Variants in RIN2 observed in about 807,000 individuals in gnomAD.
The protein encoded by RIN2 is RAB5 interacting protein 2.
A neutral mutation model predicts 78.0 loss-of-function variants in RIN2; 36 were observed. The ratio of observed to expected loss-of-function variants is 0.46; its 90% CI spans 0.35 to 0.61. The LOEUF is 0.61. RIN2 is among the 20% of genes least tolerant of loss of function. The pLI is 0.00. For missense variants in RIN2, 1,087 were observed against 1,159.7 expected, an observed-to-expected ratio of 0.94 and a Z score of 0.91; for synonymous variants, 466 against 466.8, an observed-to-expected ratio of 1.00 and a Z score of 0.02.
chr20:19,881,625 G>A (rs1463998974), intron 2 of RIN2, among the ~76,000 whole-genome samples: 11 of 152,086 alleles, frequency 7.2e-5, no homozygotes, highest in Admixed American at 6.6e-4. Flanking sequence ...CACCCAGTCT[G>A]GAGTGCAGTG....
intron 2 of RIN2, among the ~76,000 whole-genome samples, chr20:19,827,607 G>T (rs2036131629): frequency 4.6e-5 from 7 of 152,136 alleles, no homozygotes; most frequent in Admixed American, 3.9e-4. Flanking sequence ...ACCATAGTGT[G>T]GCAGTGAGTC....
intron 9 of RIN2, among the ~76,000 whole-genome samples, chr20:19,978,805 C>T (rs2042361424): frequency 2.0e-5 from 3 of 152,224 alleles, no homozygotes; most frequent in Non-Finnish European, 4.4e-5. Flanking sequence ...CACCTACTCT[C>T]ACCCTTCCAG....
At chr20:19,973,917 C>G (rs950925355) in intron 8 of RIN2, among the ~76,000 whole-genome samples, 1 of 152,154 alleles carries the variant, frequency 6.6e-6, no homozygotes, top group African/African-American at 2.4e-5. Flanking sequence ...ACAGGCAGTA[C>G]AGATCAATAA....
chr20:19,801,591 G>T (rs2035245178), intron 2 of RIN2, among the ~76,000 whole-genome samples: 1 of 152,202 alleles, frequency 6.6e-6, no homozygotes, highest in South Asian at 2.1e-4. Context: ...AAAGTGCTGG[G>T]ATTACAGGCG....
chr20:19,823,560 G>C, intron 2 of RIN2: 1 of 1,404,390 alleles, frequency 7.1e-7, no homozygotes, highest in Non-Finnish European at 1.0e-6. Flanking sequence ...TCTCTTTAGT[G>C]GTTCCAGAGA....
At chr20:19,939,256 C>G (rs1376491628) in intron 4 of RIN2, among the ~76,000 whole-genome samples, 1 of 152,162 alleles carries the variant, frequency 6.6e-6, no homozygotes, top group African/African-American at 2.4e-5. Context: ...CCATGTTGGC[C>G]AGTCTGATCT....
intron 4 of RIN2, 59 bp downstream of exon 4, chr20:19,935,258 C>A: frequency 7.0e-7 from 1 of 1,427,914 alleles, no homozygotes; most frequent in Non-Finnish European, 9.6e-7. Context: ...AACCCTGGCA[C>A]TGCCAAGGGC....
intron 2 of RIN2, among the ~76,000 whole-genome samples, chr20:19,853,047 G>C (rs1176633238): frequency 2.8e-5 from 3 of 107,420 alleles, no homozygotes; most frequent in Non-Finnish European, 5.4e-5. Flanking sequence ...CCCACCCCAT[G>C]ACAGGCCCCA....
chr20:19,978,745 C>A (rs1462415605), intron 9 of RIN2, among the ~76,000 whole-genome samples: 1 of 152,184 alleles, frequency 6.6e-6, no homozygotes, highest in African/African-American at 2.4e-5. Context: ...TGTGTGCCAG[C>A]TCTCTATTCA....
At chr20:19,933,136 A>T (rs2040501389) in intron 3 of RIN2, among the ~76,000 whole-genome samples, 1 of 152,138 alleles carries the variant, frequency 6.6e-6, no homozygotes. Context: ...CCTGTTTCTC[A>T]TCTTGCCCTT....
chr20:19,914,317 A>G (rs2039595748), intron 3 of RIN2, among the ~76,000 whole-genome samples: 1 of 152,192 alleles, frequency 6.6e-6, no homozygotes, highest in South Asian at 2.1e-4. Context: ...TAAAGGTAGC[A>G]GGTCTTCAAT....
At chr20:19,903,297 G>A (rs1177449659) in intron 3 of RIN2, among the ~76,000 whole-genome samples, 2 of 152,050 alleles carry the variant, frequency 1.3e-5, no homozygotes, top group African/African-American at 4.8e-5. Context: ...GCCAGCGCTC[G>A]TGTGTGTCGA....
intron 1 of RIN2, among the ~76,000 whole-genome samples, chr20:19,797,569 C>G (rs1600479415): frequency 6.6e-6 from 1 of 152,286 alleles, no homozygotes; most frequent in Admixed American, 6.5e-5. Flanking sequence ...TACATTGAAT[C>G]CAAGACCTAC....
chr20:19,888,187 C>G (rs192271792), intron 2 of RIN2, among the ~76,000 whole-genome samples: 1 of 152,136 alleles, frequency 6.6e-6, no homozygotes, highest in African/African-American at 2.4e-5. Context: ...GCACGGAGCA[C>G]TGACACAAAG....
intron 3 of RIN2, 64 bp downstream of exon 3, chr20:19,889,722 G>C: frequency 7.8e-7 from 1 of 1,275,636 alleles, no homozygotes; most frequent in South Asian, 1.6e-5. Flanking sequence ...GGGAGCTGCG[G>C]TGCTCCATGG....
chr20:19,758,406 G>A (rs1346716748), intron 1 of RIN2, 79 bp downstream of exon 1: 1 of 152,254 alleles, frequency 6.6e-6, no homozygotes, highest in Non-Finnish European at 1.5e-5. Flanking sequence ...GCACGGGCGG[G>A]GCTCTCTGGG....
At chr20:19,784,616 G>A (rs530382110) in intron 1 of RIN2, among the ~76,000 whole-genome samples, 57 of 152,228 alleles carry the variant, frequency 3.7e-4, no homozygotes, top group African/African-American at 1.3e-3. Context: ...CAAGCCCTCA[G>A]GATTACTAAG....
At chr20:19,941,601 C>T (rs561205586) in intron 4 of RIN2, among the ~76,000 whole-genome samples, 3 of 152,194 alleles carry the variant, frequency 2.0e-5, no homozygotes, top group East Asian at 3.9e-4. Context: ...CAGGGCAGGC[C>T]GTGTAGCAGC....
intron 2 of RIN2, among the ~76,000 whole-genome samples, chr20:19,848,804 C>T (rs576277873): frequency 9.2e-5 from 14 of 152,234 alleles, no homozygotes; most frequent in African/African-American, 3.1e-4. Flanking sequence ...TTATTCTAGC[C>T]TGACATAGAA....
Sources: gnomAD v4.1 joint callset for allele counts (sites outside exome capture counted in the v4.1 genomes callset) on GRCh38, gnomAD v4.1.1 for gene constraint, MANE v1.5 for transcripts, NCBI Gene and HGNC (gene_info 2026-07-23, HGNC 2026-07-21) for gene names.